EEFSEC: variants seen among roughly 807,000 people sequenced by gnomAD.
EEFSEC encodes eukaryotic elongation factor, selenocysteine-tRNA specific.
In EEFSEC, 43 loss-of-function variants were observed where a neutral mutation model predicts 42.1. That is an observed-to-expected ratio of 1.02 (90% CI 0.80 to 1.32). EEFSEC has a LOEUF of 1.32. Among genes scored for constraint, EEFSEC ranks in the 40% most tolerant of loss-of-function variants. The pLI is 0.00. For missense variants in EEFSEC, 745 were observed against 803.6 expected (o/e 0.93, Z 0.88); for synonymous variants, 354 against 339.1 (o/e 1.04, Z -0.48).
intron 1 of EEFSEC, among the ~76,000 whole-genome samples, chr3:128,164,523 G>C (rs905732747): frequency 2.6e-5 from 4 of 152,220 alleles, no homozygotes; most frequent in African/African-American, 9.7e-5. Flanking sequence ...CTAAAGAAGG[G>C]GAGTGGTCAG....
intron 2 of EEFSEC, among the ~76,000 whole-genome samples, chr3:128,250,919 T>TTTG (rs1321220043): frequency 6.7e-6 from 1 of 150,034 alleles, no homozygotes; most frequent in African/African-American, 2.4e-5. Context: ...TGGTTTTTTT[T>TTTG]TTTTTTTTTT....
At chr3:128,405,653 C>T (rs1206962744) in intron 6 of EEFSEC, among the ~76,000 whole-genome samples, 2 of 152,280 alleles carry the variant, frequency 1.3e-5, no homozygotes, top group Non-Finnish European at 2.9e-5. Flanking sequence ...CGGACTGAAG[C>T]TTGATGTGCG....
the EEFSEC span, among the ~76,000 whole-genome samples, chr3:128,422,606 G>GCTGGCC: frequency 6.6e-6 from 1 of 152,226 alleles, no homozygotes; most frequent in Non-Finnish European, 1.5e-5. Flanking sequence ...GCTCTCCGTG[G>GCTGGCC]CTGGCCCTGG....
intron 1 of EEFSEC, among the ~76,000 whole-genome samples, chr3:128,173,523 A>C (rs929038848): frequency 1.2e-4 from 18 of 152,226 alleles, no homozygotes; most frequent in African/African-American, 4.1e-4. Flanking sequence ...ATTCTGCAAG[A>C]AAATATTTCC....
In EEFSEC at chr3:128,195,024, C is replaced by T. The variant is rs2065569347; in HGVS notation, c.316+41201C>T. Reference sequence around the variant, plus strand: ...TCTTGGAGCTGGTCAGCCAGTGCTGCTTTTCTCCTCCTCCCACCCCTCCCC... The same window carrying T: ...TCTTGGAGCTGGTCAGCCAGTGCTGTTTTTCTCCTCCTCCCACCCCTCCCC... On this transcript the variant is annotated intron_variant, in intron 1 of 6. Coordinates refer to ENST00000254730, the MANE Select transcript of EEFSEC (RefSeq NM_021937.5). 2.0e-5 allele frequency among the ~76,000 whole-genome samples: 3 copies of T among 152,182 alleles called. No individual in the cohort carries two copies. In the South Asian group the frequency reaches 6.2e-4, roughly 31 times the overall value.
the EEFSEC span, among the ~76,000 whole-genome samples, chr3:128,419,755 G>C: frequency 6.6e-6 from 1 of 152,202 alleles, no homozygotes; most frequent in Admixed American, 6.5e-5. Flanking sequence ...CTGGAGACCA[G>C]GTCTCTAGTC....
intron 6 of EEFSEC, among the ~76,000 whole-genome samples, chr3:128,361,979 T>G (rs548901458): frequency 1.3e-5 from 2 of 152,258 alleles, no homozygotes; most frequent in Non-Finnish European, 2.9e-5. Context: ...GGGAGCCGGG[T>G]AGCAGAGAGC....
intron 6 of EEFSEC, among the ~76,000 whole-genome samples, chr3:128,389,451 C>A (rs2067881706): frequency 6.6e-6 from 1 of 152,260 alleles, no homozygotes; most frequent in South Asian, 2.1e-4. Context: ...CCAGAGGGCC[C>A]ACATGGCCTC....
intron 1 of EEFSEC, among the ~76,000 whole-genome samples, chr3:128,218,773 A>G (rs909963209): frequency 5.3e-5 from 8 of 152,174 alleles, no homozygotes; most frequent in Non-Finnish European, 1.0e-4. Flanking sequence ...AAAGGCAACC[A>G]TTTGCAACTC....
intron 3 of EEFSEC, among the ~76,000 whole-genome samples, chr3:128,263,930 C>A (rs985886394): frequency 6.6e-6 from 1 of 152,204 alleles, no homozygotes; most frequent in African/African-American, 2.4e-5. Flanking sequence ...CTTCTTCTTT[C>A]ACTTGTCATT....
the EEFSEC span, among the ~76,000 whole-genome samples, chr3:128,425,059 T>TA: frequency 6.6e-6 from 1 of 152,174 alleles, no homozygotes; most frequent in African/African-American, 2.4e-5. Flanking sequence ...TCACATACAG[T>TA]AAAAATCACC....
chr3:128,377,188 T>C (rs1172629013), intron 6 of EEFSEC, among the ~76,000 whole-genome samples: 2 of 152,252 alleles, frequency 1.3e-5, no homozygotes, highest in Non-Finnish European at 2.9e-5. Context: ...AGCCTTCTTT[T>C]TATGTAATTG....
chr3:128,160,377 A>C (rs952434971), intron 1 of EEFSEC, among the ~76,000 whole-genome samples: 1 of 152,234 alleles, frequency 6.6e-6, no homozygotes, highest in Non-Finnish European at 1.5e-5. Context: ...ATGGCTGGAA[A>C]TCGGCGTGGT....
chr3:128,278,347 A>AG (rs1480878517), intron 4 of EEFSEC, among the ~76,000 whole-genome samples: 1 of 152,236 alleles, frequency 6.6e-6, no homozygotes, highest in African/African-American at 2.4e-5. Context: ...AGTGAAGGGG[A>AG]GAGGCATATT....
At chr3:128,207,598 C>T (rs1212224849) in intron 1 of EEFSEC, among the ~76,000 whole-genome samples, 2 of 151,034 alleles carry the variant, frequency 1.3e-5, no homozygotes, top group African/African-American at 4.9e-5. Flanking sequence ...CACACACACA[C>T]ACACACGCTT....
chr3:128,334,784 G>T (rs564016362), intron 4 of EEFSEC, among the ~76,000 whole-genome samples: 1 of 152,360 alleles, frequency 6.6e-6, no homozygotes, highest in South Asian at 2.1e-4. Context: ...AGGATGTGAG[G>T]GAGAGCCTCT....
At chr3:128,216,196 G>A (rs2065809258) in intron 1 of EEFSEC, among the ~76,000 whole-genome samples, 1 of 152,156 alleles carries the variant, frequency 6.6e-6, no homozygotes, top group Admixed American at 6.6e-5. Flanking sequence ...GATAAAAACT[G>A]TCCCATTTAG....
intron 5 of EEFSEC, among the ~76,000 whole-genome samples, chr3:128,355,073 C>T (rs1210340619): frequency 6.6e-6 from 1 of 152,238 alleles, no homozygotes; most frequent in Non-Finnish European, 1.5e-5. Context: ...TACCTCCCGG[C>T]GTCTTCCCCT....
At chr3:128,294,995 G>GCTAT (rs1160730036) in intron 4 of EEFSEC, among the ~76,000 whole-genome samples, 1 of 152,160 alleles carries the variant, frequency 6.6e-6, no homozygotes, top group Non-Finnish European at 1.5e-5. Context: ...TGGGAAAATG[G>GCTAT]CTATGTCTCT....
Sources: allele counts gnomAD v4.1 joint callset (sites outside exome capture counted in the v4.1 genomes callset), GRCh38; gene constraint gnomAD v4.1.1; transcripts MANE v1.5; gene names NCBI Gene and HGNC (gene_info 2026-07-23, HGNC 2026-07-21).